PPP4R1: variants seen among roughly 807,000 people sequenced by gnomAD.
The protein encoded by PPP4R1 is serine/threonine-protein phosphatase 4 regulatory subunit 1.
In PPP4R1, 42 loss-of-function variants were observed where a neutral mutation model predicts 111.2. The ratio of observed to expected loss-of-function variants is 0.38; its 90% CI spans 0.29 to 0.49. The LOEUF (loss-of-function observed/expected upper bound fraction) is 0.49. Among genes scored for constraint, PPP4R1 ranks in the 20% least tolerant of loss-of-function variants. The pLI is 0.97. For missense variants in PPP4R1, 1,012 were observed against 1,161.6 expected (o/e 0.87, Z 1.87); for synonymous variants, 409 against 405.5 (o/e 1.01, Z -0.10).
intron 15 of PPP4R1, among the ~76,000 whole-genome samples, chr18:9,554,881 C>T (rs1318023506): frequency 6.6e-6 from 1 of 152,226 alleles, no homozygotes; most frequent in Non-Finnish European, 1.5e-5. Flanking sequence ...AAACAAATGA[C>T]AGAAATGGAT....
At chr18:9,551,082 T>G (rs1487074060) in intron 16 of PPP4R1, 2 of 152,268 alleles carry the variant, frequency 1.3e-5, no homozygotes, top group African/African-American at 4.8e-5. Context: ...AATGCACCTG[T>G]GTATACAAAT....
At chr18:9,569,022 A>G (rs1337166806) in intron 11 of PPP4R1, among the ~76,000 whole-genome samples, 4 of 151,130 alleles carry the variant, frequency 2.6e-5, no homozygotes, top group Non-Finnish European at 4.4e-5. Flanking sequence ...TGACAGAGTG[A>G]GACTGTCTCA....
intron 2 of PPP4R1, among the ~76,000 whole-genome samples, chr18:9,603,643 T>C (rs1431193196): frequency 6.7e-6 from 1 of 148,820 alleles, no homozygotes; most frequent in African/African-American, 2.6e-5. Context: ...CCACCCACCA[T>C]GCCCAGGTAA....
chr18:9,603,744 C>G (rs1276387973), intron 2 of PPP4R1, among the ~76,000 whole-genome samples: 1 of 152,174 alleles, frequency 6.6e-6, no homozygotes, highest in African/African-American at 2.4e-5. Flanking sequence ...CTCAACCTCC[C>G]AAAGTGCTGG....
chr18:9,567,197 T>C lies in PPP4R1; in HGVS notation c.1573+2960A>G, dbSNP rs570245814. ...CAAAATATCCACATTAAAGGGAGTA[T>C]GGAAGAAGGTAATTTCAACCCTCAT... On this transcript the variant is annotated intron_variant, in intron 11 of 19. Transcript: ENST00000400556. 5.7e-4 allele frequency among the ~76,000 whole-genome samples: 87 copies of C among 152,274 alleles called. 1 individual carries two copies. The highest frequency in any genetic ancestry group is 6.8e-3 in the Middle Eastern group (2 of 294).
At chr18:9,595,990 C>A (rs1036139035) in intron 2 of PPP4R1, among the ~76,000 whole-genome samples, 1 of 151,928 alleles carries the variant, frequency 6.6e-6, no homozygotes, top group African/African-American at 2.4e-5. Context: ...GCATGAAAGC[C>A]GAGAAGCCAA....
intron 12 of PPP4R1, chr18:9,562,917 C>A: frequency 1.0e-6 from 1 of 991,006 alleles, no homozygotes; most frequent in Non-Finnish European, 1.2e-6. Flanking sequence ...AGGATCAGTA[C>A]CCACCCTCAC....
chr18:9,550,888 C>A (rs561173335), intron 16 of PPP4R1: 1 of 153,930 alleles, frequency 6.5e-6, no homozygotes, highest in East Asian at 1.9e-4. Flanking sequence ...CTTCCCATCA[C>A]ATCTGAGGGG....
intron 8 of PPP4R1, 121 bp from the exon 9 acceptor site, chr18:9,583,396 T>TCAAAA: frequency 3.7e-6 from 4 of 1,080,222 alleles, no homozygotes; most frequent in Non-Finnish European, 5.0e-6. Context: ...AGACAGAGTC[T>TCAAAA]CACTCTTTTG....
At chr18:9,594,227 G>A (rs2067256799) in intron 3 of PPP4R1, 1 of 159,564 alleles carries the variant, frequency 6.3e-6, no homozygotes, top group East Asian at 1.8e-4. Flanking sequence ...ACTGCACCTG[G>A]CCGATATCTA....
At chr18:9,579,546 G>GTGTA (rs2066992412) in intron 9 of PPP4R1, among the ~76,000 whole-genome samples, 1 of 150,856 alleles carries the variant, frequency 6.6e-6, no homozygotes, top group Non-Finnish European at 1.5e-5. Context: ...GTGTGTGTGT[G>GTGTA]TAAAATAGGC....
upstream of PPP4R1, chr18:9,615,277 A>G (rs961291721): frequency 3.9e-5 from 6 of 152,368 alleles, no homozygotes; most frequent in African/African-American, 1.2e-4. Context: ...AAGGCGGGCA[A>G]TCCACCAGCG....
intron 6 of PPP4R1, among the ~76,000 whole-genome samples, chr18:9,586,240 A>G (rs1434962240): frequency 1.3e-5 from 2 of 152,000 alleles, no homozygotes; most frequent in Non-Finnish European, 2.9e-5. Context: ...ACACAACTGT[A>G]AGAGAATCAT....
At chr18:9,564,738 G>GTGTGTGT (rs67103985) in intron 11 of PPP4R1, among the ~76,000 whole-genome samples, 1 of 12,524 alleles carries the variant, frequency 8.0e-5, no homozygotes, top group Non-Finnish European at 1.9e-4. Flanking sequence ...GTGTGTGTGT[G>GTGTGTGT]GGGGTATCAT....
Position 9,549,293 on chromosome 18 carries a change from G to A in PPP4R1, c.2593C>T (p.His865Tyr). The change falls in exon 19 of 20, where the codon CAT becomes TAT. Residue 865 changes from histidine (H) to tyrosine (Y), a missense_variant. Around this residue, in one of 2 missense-constraint regions of PPP4R1, gnomAD observed 305 missense variants for 419.5 expected, o/e 0.73. Transcript: ENST00000400556. Reference sequence around the variant, plus strand: ...AAGGTTAGCAGATGCGGCATGAGATGCACAGCAAACTGGTCCATGGGAAGG... The same window carrying A: ...AAGGTTAGCAGATGCGGCATGAGATACACAGCAAACTGGTCCATGGGAAGG... ...DCLPMDQFAV[H>Y]LMPHLLTLAN... 1 of 1,613,488 alleles carries A rather than the reference G, an allele frequency of 6.2e-7. No homozygotes were observed. The highest frequency in any genetic ancestry group is 8.5e-7 in the Non-Finnish European group (1 of 1,179,436).
rs1241497204 is a variant in PPP4R1 at position 9,550,366 on chromosome 18, G to A, written c.2324C>T (p.Pro775Leu). The A allele has an allele frequency of 6.2e-7, 1 of 1,604,656 alleles. No individual in the cohort carries two copies. Among genetic ancestry groups the A allele is most frequent in the Non-Finnish European group, 8.5e-7 (1 of 1,171,690 alleles). ...ACGTAAATAGTCATAAACATCTCTGGGACTATATAACTCTAGAAGTAAAAT... is the reference window on the plus strand; with the variant it reads ...ACGTAAATAGTCATAAACATCTCTGAGACTATATAACTCTAGAAGTAAAAT... ...QLILLLELYS[P>L]RDVYDYLRPI... Residue 775 changes from proline to leucine, a missense_variant, in exon 17 of 20, where the codon CCC becomes CTC. Coordinates refer to ENST00000400556, the MANE Select transcript of PPP4R1 (RefSeq NM_001042388.3).
intron 11 of PPP4R1, among the ~76,000 whole-genome samples, chr18:9,568,728 A>C (rs1014913846): frequency 1.3e-5 from 2 of 152,178 alleles, no homozygotes; most frequent in East Asian, 3.8e-4. Context: ...TTGTTCATAA[A>C]AATATAGTTT....
intron 9 of PPP4R1, among the ~76,000 whole-genome samples, chr18:9,578,983 G>A (rs1053311521): frequency 6.6e-6 from 1 of 152,144 alleles, no homozygotes; most frequent in African/African-American, 2.4e-5. Context: ...AGATTAGAAT[G>A]AAAAAAGTTT....
At position 9,547,581 on chromosome 18, in the gene PPP4R1, A is replaced by C. The variant is rs1002597596; in HGVS notation, c.*208T>G. On this transcript the variant is annotated 3_prime_UTR_variant, in exon 20 of 20. Transcript: ENST00000400556. ...CCTCTGAGAAATTATTTCCCCTTAA[A>C]GTCAAGATAAGATAATAGTGTTTAC... is the stretch of plus-strand genomic sequence containing the variant. The C allele has an allele frequency of 2.1e-6, 1 of 484,710 alleles. No homozygotes were observed. The highest frequency in any genetic ancestry group is 3.7e-6 in the Non-Finnish European group (1 of 272,546). 30.0% of individuals were successfully genotyped at this position (484,710 alleles called of 1,614,324 possible).
Sources: gnomAD v4.1 joint callset for allele counts (sites outside exome capture counted in the v4.1 genomes callset) on GRCh38, gnomAD v4.1.1 for gene constraint, gnomAD v4.1.1 regional missense constraint, MANE v1.5 for transcripts, NCBI Gene and HGNC (gene_info 2026-07-23, HGNC 2026-07-21) for gene names.